Variants in DNAH5 observed in about 807,000 individuals in gnomAD.
The protein encoded by DNAH5 is axonemal beta dynein heavy chain 5.
Under a neutral mutation model 518.2 loss-of-function variants are expected in DNAH5, and 372 were observed. The observed-to-expected ratio is 0.72, with a 90% CI of 0.66 to 0.78. The LOEUF (loss-of-function observed/expected upper bound fraction) is 0.78, where lower values mean the gene tolerates loss of function less well. Ranked by LOEUF, DNAH5 falls within the 30% of genes least tolerant of loss-of-function variation. DNAH5 has a pLI of 0.00. For missense variants in DNAH5, 5,523 were observed against 5,687.0 expected (o/e 0.97, Z 0.93); for synonymous variants, 2,039 against 2,025.9 (o/e 1.01, Z -0.17).
At chr5:13,763,918 T>C (rs1056839743) in intron 59 of DNAH5, among the ~76,000 whole-genome samples, 7 of 152,228 alleles carry the variant, frequency 4.6e-5, no homozygotes, top group African/African-American at 7.2e-5. Flanking sequence ...TCCAAGTCTA[T>C]TGGCAGAGTC....
chr5:13,855,460 G>A lies in DNAH5; in HGVS notation c.4950+3992C>T, dbSNP rs1309750888. Among the ~76,000 whole-genome samples, 5 of 48,446 alleles carry A rather than the reference G, an allele frequency of 1.0e-4. 2 individuals are homozygous for A. The highest frequency in any genetic ancestry group is 7.8e-4 in the East Asian group (2 of 2,568). The allele number at this position is 48,446 out of a possible 152,430, so 31.8% of individuals were successfully genotyped here. On this transcript the variant is annotated intron_variant, in intron 30 of 78. Transcript: ENST00000265104. Reference sequence around the variant, plus strand: ...CCTGACCTCGTGATCCGCCCGCCTCGGCCTCCCAAAGTGCTGGGATTACAG... The same window carrying A: ...CCTGACCTCGTGATCCGCCCGCCTCAGCCTCCCAAAGTGCTGGGATTACAG...
intron 65 of DNAH5, among the ~76,000 whole-genome samples, chr5:13,741,114 A>C (rs11958133): frequency 0.2 from 30,532 of 152,182 alleles, 3,413 homozygotes; most frequent in East Asian, 0.35. Context: ...CCAGAAATGC[A>C]GATGTGGAAA....
intron 60 of DNAH5, 124 bp from the exon 61 acceptor site, chr5:13,759,107 C>G: frequency 1.8e-5 from 23 of 1,291,266 alleles, no homozygotes; most frequent in Non-Finnish European, 2.4e-5. Flanking sequence ...GCTCCAGAAT[C>G]CTTTCAAATC....
intron 29 of DNAH5, among the ~76,000 whole-genome samples, chr5:13,861,117 G>A (rs1460609869): frequency 6.6e-6 from 1 of 152,106 alleles, no homozygotes; most frequent in Non-Finnish European, 1.5e-5. Flanking sequence ...TCTATCTGTA[G>A]ATTAGATGCC....
At chr5:13,854,326 CTT>C (rs1341285804) in intron 30 of DNAH5, among the ~76,000 whole-genome samples, 5 of 152,160 alleles carry the variant, frequency 3.3e-5, no homozygotes, top group Admixed American at 2.0e-4. Context: ...TGATGAGGGA[CTT>C]TGTCAGCACC....
In DNAH5 at chr5:13,814,852, A is replaced by G. The variant is rs1761231844; in HGVS notation, c.6989-6T>C. 8 of 1,613,400 alleles carry G rather than the reference A, an allele frequency of 5.0e-6. 1 individual carries two copies. The East Asian group carries it at 8.9e-5, about 18-fold the overall frequency. On this transcript the variant is annotated splice_polypyrimidine_tract_variant and splice_region_variant and intron_variant, in intron 42 of 78. Transcript: ENST00000265104. ...AATTATCCAGATATGTTCCCCTAGA[A>G]TACCCCACCAAAGGGAAAAAAAAAA... is the stretch of plus-strand genomic sequence containing the variant.
At chr5:13,724,016 G>C (rs1307534509) in intron 70 of DNAH5, among the ~76,000 whole-genome samples, 2 of 152,224 alleles carry the variant, frequency 1.3e-5, no homozygotes, top group African/African-American at 2.4e-5. Context: ...AATATGCAAG[G>C]ATGCTCAGCA....
chr5:13,803,195 CAT>C (rs947222984), intron 47 of DNAH5, among the ~76,000 whole-genome samples: 4 of 152,110 alleles, frequency 2.6e-5, no homozygotes, highest in African/African-American at 7.2e-5. Flanking sequence ...TTTAGGTTTT[CAT>C]ATGTGTGCTA....
At chr5:13,979,720 T>C (rs1395253586) in intron 1 of DNAH5, among the ~76,000 whole-genome samples, 1 of 152,248 alleles carries the variant, frequency 6.6e-6, no homozygotes, top group East Asian at 1.9e-4. Flanking sequence ...TAAAGCCTAT[T>C]GATCTTCATC....
At chr5:13,943,011 T>C (rs372029334) in intron 1 of DNAH5, among the ~76,000 whole-genome samples, 2 of 152,360 alleles carry the variant, frequency 1.3e-5, no homozygotes, top group South Asian at 2.1e-4. Context: ...GTTAATATTA[T>C]ACTTCAGTGG....
At chr5:14,001,853 C>G (rs4358521) in intron 1 of DNAH5, among the ~76,000 whole-genome samples, 112,466 of 151,636 alleles carry the variant, frequency 0.74, 42,072 homozygotes, top group East Asian at 0.97. Flanking sequence ...CACCATCAAA[C>G]CCAGAATAAA....
chr5:13,745,065 C>G (rs991440627), intron 65 of DNAH5, among the ~76,000 whole-genome samples: 7 of 152,190 alleles, frequency 4.6e-5, no homozygotes, highest in East Asian at 1.9e-4. Context: ...GTTTGTTCAT[C>G]CAGAATTCTG....
chr5:13,754,806 G>A (rs1301194804), intron 61 of DNAH5, among the ~76,000 whole-genome samples: 2 of 152,040 alleles, frequency 1.3e-5, no homozygotes, highest in African/African-American at 4.8e-5. Flanking sequence ...CCAAAGTGCT[G>A]GGATTACAGA....
intron 12 of DNAH5, among the ~76,000 whole-genome samples, chr5:13,902,955 A>G (rs1382445870): frequency 6.6e-6 from 1 of 152,246 alleles, no homozygotes; most frequent in Admixed American, 6.5e-5. Context: ...AAGAAGCTCA[A>G]AAAGTTTTTG....
At chr5:13,839,637 C>A in intron 34 of DNAH5, 109 bp from the exon 35 acceptor site, 1 of 983,062 alleles carries the variant, frequency 1.0e-6, no homozygotes, top group Non-Finnish European at 1.6e-6. Context: ...AACTCACAGA[C>A]AACCGAACTA....
At chr5:13,709,660 C>T (rs994854231) in intron 75 of DNAH5, among the ~76,000 whole-genome samples, 8 of 152,186 alleles carry the variant, frequency 5.3e-5, no homozygotes, top group Non-Finnish European at 8.8e-5. Context: ...AGAGGACCCA[C>T]AGACTCTGTG....
rs1012807571 is a variant in DNAH5, at chr5:13,848,576, C to T, written c.5114+2076G>A. Among the ~76,000 whole-genome samples the T allele has an allele frequency of 4.6e-5, 7 of 152,098 alleles. No homozygotes were observed. The East Asian group carries it at 1.3e-3, about 29-fold the overall frequency. On this transcript the variant is annotated intron_variant, in intron 31 of 78. Transcript: ENST00000265104. ...CACCATAACGTAGAATCAGTGAGAG[C>T]CCTCAGCTTGTTTTCCTGCAACTAA...
intron 75 of DNAH5, 75 bp downstream of exon 75, chr5:13,714,330 C>T: frequency 6.9e-7 from 1 of 1,456,362 alleles, no homozygotes; most frequent in Admixed American, 1.7e-5. Flanking sequence ...TTTTGCCCTC[C>T]TTTCTTCTTC....
intron 31 of DNAH5, among the ~76,000 whole-genome samples, chr5:13,848,407 C>A (rs1561423096): frequency 6.6e-6 from 1 of 152,180 alleles, no homozygotes; most frequent in African/African-American, 2.4e-5. Flanking sequence ...TCATGGAAGA[C>A]CAGTTTTCAA....
Sources: allele counts gnomAD v4.1 joint callset (sites outside exome capture counted in the v4.1 genomes callset), GRCh38; gene constraint gnomAD v4.1.1; transcripts MANE v1.5; gene names NCBI Gene and HGNC (gene_info 2026-07-23, HGNC 2026-07-21).